LARGE1: variants seen among roughly 807,000 people sequenced by gnomAD.
LARGE1 encodes the protein LARGE xylosyl- and glucuronyltransferase 1, also known as xylosyl- and glucuronyltransferase LARGE1.
A neutral mutation model predicts 87.6 loss-of-function variants in LARGE1; 43 were observed. The observed-to-expected ratio is 0.49, with a 90% CI of 0.38 to 0.63. The LOEUF is 0.63. Ranked by LOEUF, LARGE1 falls within the 30% of genes least tolerant of loss-of-function variation. LARGE1 has a pLI of 0.00. For missense variants in LARGE1, 802 were observed against 1,000.2 expected (o/e 0.80, Z 2.67); for synonymous variants, 434 against 394.6 (o/e 1.10, Z -1.18).
At chr22:33,479,044 G>A (rs1199810731) in intron 6 of LARGE1, among the ~76,000 whole-genome samples, 1 of 152,202 alleles carries the variant, frequency 6.6e-6, no homozygotes, top group African/African-American at 2.4e-5. Flanking sequence ...CTGGTAGCAA[G>A]TGGCATCCTT....
intron 5 of LARGE1, among the ~76,000 whole-genome samples, chr22:33,596,776 A>C (rs979706263): frequency 1.3e-5 from 2 of 152,322 alleles, no homozygotes; most frequent in South Asian, 2.1e-4. Flanking sequence ...CAAAAAGAAG[A>C]AAGCAAGATT....
chr22:33,587,669 A>G (rs572650363), intron 5 of LARGE1, among the ~76,000 whole-genome samples: 1 of 151,754 alleles, frequency 6.6e-6, no homozygotes, highest in Non-Finnish European at 1.5e-5. Flanking sequence ...GTTTCAGTTT[A>G]TTCAGAATTT....
upstream of LARGE1, among the ~76,000 whole-genome samples, chr22:33,920,956 C>T (rs1202894629): frequency 4.7e-5 from 7 of 149,022 alleles, no homozygotes; most frequent in South Asian, 1.5e-3. Context: ...CCGGGCTGGC[C>T]CCGCCGCCTC....
chr22:33,643,188 C>T (rs1195178047), intron 3 of LARGE1, among the ~76,000 whole-genome samples: 1 of 152,090 alleles, frequency 6.6e-6, no homozygotes, highest in Non-Finnish European at 1.5e-5. Context: ...GAAATCATAA[C>T]AAACAGTCTC....
chr22:33,906,035 C>A (rs1201247598), intron 1 of LARGE1, among the ~76,000 whole-genome samples: 1 of 152,112 alleles, frequency 6.6e-6, no homozygotes, highest in African/African-American at 2.4e-5. Flanking sequence ...GAGGCTGAGA[C>A]AGGAGAATTG....
At chr22:33,688,318 T>C (rs1470042528) in intron 2 of LARGE1, among the ~76,000 whole-genome samples, 1 of 152,008 alleles carries the variant, frequency 6.6e-6, no homozygotes, top group Non-Finnish European at 1.5e-5. Context: ...AAGCTCAGAG[T>C]GTCAGAGTCC....
chr22:33,701,395 G>A (rs762342993), intron 2 of LARGE1, among the ~76,000 whole-genome samples: 8 of 152,176 alleles, frequency 5.3e-5, no homozygotes, highest in Admixed American at 1.3e-4. Context: ...TCTCGGCAGC[G>A]CGTGACAATA....
intron 5 of LARGE1, among the ~76,000 whole-genome samples, chr22:33,576,035 T>A (rs1445207179): frequency 2.0e-5 from 3 of 152,202 alleles, no homozygotes; most frequent in Non-Finnish European, 4.4e-5. Context: ...TCCTGAAATA[T>A]AGCTGCCTTC....
At chr22:33,275,516 G>C (rs997475933) in intron 14 of LARGE1, among the ~76,000 whole-genome samples, 2 of 152,160 alleles carry the variant, frequency 1.3e-5, no homozygotes, top group Non-Finnish European at 2.9e-5. Context: ...TGAGGAATGA[G>C]TGAGAAAAAC....
intron 6 of LARGE1, among the ~76,000 whole-genome samples, chr22:33,442,121 C>A: frequency 6.6e-6 from 1 of 152,134 alleles, no homozygotes; most frequent in Non-Finnish European, 1.5e-5. Context: ...AAAGACGTTG[C>A]TTATTATAAG....
chr22:33,709,489 C>T (rs1178312592), intron 2 of LARGE1, among the ~76,000 whole-genome samples: 3 of 152,146 alleles, frequency 2.0e-5, no homozygotes, highest in Non-Finnish European at 4.4e-5. Context: ...TGAATGCACG[C>T]CAAGACTGCA....
intron 1 of LARGE1, among the ~76,000 whole-genome samples, chr22:33,893,858 G>T (rs532476178): frequency 6.6e-6 from 1 of 152,264 alleles, no homozygotes; most frequent in Non-Finnish European, 1.5e-5. Context: ...GTCCATGCAG[G>T]CCTATTATTA....
At chr22:33,345,560 AG>A (rs1939649595) in intron 9 of LARGE1, among the ~76,000 whole-genome samples, 1 of 152,234 alleles carries the variant, frequency 6.6e-6, no homozygotes, top group African/African-American at 2.4e-5. Context: ...GCCAAGCATC[AG>A]GGGCCCCATG....
At chr22:33,217,238 C>CAA (rs137458) in intron 11 of LARGE1, among the ~76,000 whole-genome samples, 7,033 of 131,256 alleles carry the variant, frequency 0.054, 198 homozygotes, top group Admixed American at 0.1. Context: ...TATCTAACAG[C>CAA]AAAAAAAAAA....
intron 1 of LARGE1, among the ~76,000 whole-genome samples, chr22:33,782,299 CAG>C (rs1483983239): frequency 1.3e-5 from 2 of 152,112 alleles, no homozygotes; most frequent in African/African-American, 4.8e-5. Context: ...TCCAAATCCA[CAG>C]AGACAGAACA....
At chr22:33,641,470 T>C (rs972573801) in intron 3 of LARGE1, among the ~76,000 whole-genome samples, 2 of 152,086 alleles carry the variant, frequency 1.3e-5, no homozygotes, top group Non-Finnish European at 2.9e-5. Flanking sequence ...AGAATGCCTC[T>C]TCTCCCCCAA....
chr22:33,706,683 T>C (rs1186638799), intron 2 of LARGE1, among the ~76,000 whole-genome samples: 5 of 152,234 alleles, frequency 3.3e-5, no homozygotes, highest in African/African-American at 4.8e-5. Context: ...AGACAGAAGA[T>C]ACCTGGGCCT....
rs181836121 is a variant in LARGE1, at chr22:33,648,772, C to T, written c.408+1595G>A. On this transcript the variant is annotated intron_variant, in intron 3 of 14. Coordinates refer to ENST00000397394, the MANE Select transcript of LARGE1 (RefSeq NM_133642.5). ...CTGAATAAATGTGCAGCATTTATCA[C>T]GTCCTGACATTTGTATTTATTTATT... Among the ~76,000 whole-genome samples the T allele has an allele frequency of 1.4e-3, 219 of 152,310 alleles. 2 individuals are homozygous for T. Among genetic ancestry groups the T allele is most frequent in the Non-Finnish European group, 2.1e-3 (143 of 68,012 alleles).
At chr22:33,079,959 A>C in the LARGE1 span, among the ~76,000 whole-genome samples, 5 of 152,130 alleles carry the variant, frequency 3.3e-5, no homozygotes, top group Non-Finnish European at 5.9e-5. Flanking sequence ...GTCCTCTTGC[A>C]TGTGCTCAGG....
Sources: allele counts gnomAD v4.1 joint callset (sites outside exome capture counted in the v4.1 genomes callset), GRCh38; gene constraint gnomAD v4.1.1; transcripts MANE v1.5; gene names NCBI Gene and HGNC (gene_info 2026-07-23, HGNC 2026-07-21).